SULF1: variants seen among roughly 807,000 people sequenced by gnomAD.
SULF1 encodes extracellular sulfatase Sulf-1.
A neutral mutation model predicts 110.5 loss-of-function variants in SULF1; 46 were observed. The ratio of observed to expected loss-of-function variants is 0.42; its 90% confidence interval spans 0.33 to 0.53. SULF1 has a LOEUF of 0.53. Among genes scored for constraint, SULF1 ranks in the 20% least tolerant of loss-of-function variants. SULF1 has a pLI of 0.12. For missense variants in SULF1, 941 were observed against 1,094.2 expected (o/e 0.86, Z 1.98); for synonymous variants, 371 against 387.1 (o/e 0.96, Z 0.49).
intron 3 of SULF1, among the ~76,000 whole-genome samples, chr8:69,510,109 T>G (rs550516151): frequency 1.3e-5 from 2 of 152,326 alleles, no homozygotes; most frequent in South Asian, 4.1e-4. Flanking sequence ...CTAGCTGAGC[T>G]ATTGGCTTTT....
intron 15 of SULF1, among the ~76,000 whole-genome samples, chr8:69,624,668 T>C (rs1292498046): frequency 6.6e-6 from 1 of 152,202 alleles, no homozygotes. Context: ...GGGAGGACAG[T>C]GAGTCCCAGA....
intron 15 of SULF1, among the ~76,000 whole-genome samples, chr8:69,625,165 T>G (rs373986922): frequency 6.6e-6 from 1 of 152,386 alleles, no homozygotes; most frequent in East Asian, 1.9e-4. Context: ...TGAATTCCCC[T>G]TCTGAATCTG....
chr8:69,575,532 A>T (rs936379114), intron 5 of SULF1, among the ~76,000 whole-genome samples: 1 of 152,082 alleles, frequency 6.6e-6, no homozygotes, highest in African/African-American at 2.4e-5. Flanking sequence ...CTTTCATACG[A>T]TTAAAATGCT....
rs1193488225 is a variant in SULF1 at position 69,530,277 on chromosome 8, A to T, written c.-134+28309A>T. 2.0e-5 allele frequency among the ~76,000 whole-genome samples: 3 copies of T among 152,066 alleles called. No homozygotes were observed. In the East Asian group the frequency reaches 5.8e-4, roughly 29 times the overall value. On this transcript the variant is annotated intron_variant, in intron 3 of 22. Transcript: ENST00000402687. ...ATCAGGCTCTTTGAGCAAAAAGAAA[A>T]AGTAATGTCTAGGGCTACCCTACAT...
chr8:69,475,981 C>A (rs965371131), intron 1 of SULF1, among the ~76,000 whole-genome samples: 1 of 152,114 alleles, frequency 6.6e-6, no homozygotes, highest in African/African-American at 2.4e-5. Context: ...TACGGATATT[C>A]GAGTCAAAAT....
intron 8 of SULF1, among the ~76,000 whole-genome samples, chr8:69,591,336 C>T (rs536588419): frequency 1.5e-4 from 23 of 151,832 alleles, no homozygotes; most frequent in Non-Finnish European, 2.9e-4. Flanking sequence ...GGGCGGATCA[C>T]GAGGTCAAGA....
intron 3 of SULF1, among the ~76,000 whole-genome samples, chr8:69,505,924 CA>C (rs1213819059): frequency 6.6e-6 from 1 of 151,694 alleles, no homozygotes; most frequent in Non-Finnish European, 1.5e-5. Context: ...ACACTTAACC[CA>C]AATCAGTTGG....
intron 1 of SULF1, among the ~76,000 whole-genome samples, chr8:69,478,894 T>G (rs755838625): frequency 1.3e-4 from 20 of 152,198 alleles, no homozygotes; most frequent in Non-Finnish European, 2.4e-4. Flanking sequence ...CATTCACAGT[T>G]AGAATGATCA....
intron 1 of SULF1, among the ~76,000 whole-genome samples, chr8:69,493,631 A>G (rs1001946763): frequency 5.9e-5 from 9 of 152,224 alleles, no homozygotes; most frequent in African/African-American, 2.2e-4. Flanking sequence ...TTTTCACACT[A>G]CGAAATAAAT....
chr8:69,617,945 G>A (rs1048727285), intron 13 of SULF1, among the ~76,000 whole-genome samples: 9 of 152,104 alleles, frequency 5.9e-5, no homozygotes, highest in Non-Finnish European at 2.9e-5. Context: ...CCCTCTCAAA[G>A]ACCCATGCAT....
chr8:69,565,749 C>T (rs1410101447), intron 5 of SULF1, among the ~76,000 whole-genome samples: 1 of 152,152 alleles, frequency 6.6e-6, no homozygotes, highest in African/African-American at 2.4e-5. Flanking sequence ...GAGATTATGC[C>T]CTTCTCCTCT....
At chr8:69,547,043 G>A (rs1814310101) in intron 3 of SULF1, among the ~76,000 whole-genome samples, 1 of 152,154 alleles carries the variant, frequency 6.6e-6, no homozygotes, top group Non-Finnish European at 1.5e-5. Context: ...ATCCATGAAT[G>A]ATCAAGTTGA....
At chr8:69,493,670 G>T (rs1810110398) in intron 1 of SULF1, among the ~76,000 whole-genome samples, 1 of 152,218 alleles carries the variant, frequency 6.6e-6, no homozygotes, top group African/African-American at 2.4e-5. Flanking sequence ...CTTGAAACTT[G>T]CACTGGCTTG....
chr8:69,567,771 T>C (rs1463354732), intron 5 of SULF1, among the ~76,000 whole-genome samples: 2 of 152,204 alleles, frequency 1.3e-5, no homozygotes, highest in Admixed American at 6.5e-5. Flanking sequence ...TCCTTTTCCC[T>C]ATTGTGGATA....
At chr8:69,499,290 A>T in intron 2 of SULF1, among the ~76,000 whole-genome samples, 1 of 152,244 alleles carries the variant, frequency 6.6e-6, no homozygotes, top group East Asian at 1.9e-4. Flanking sequence ...AAAATTTCAA[A>T]ATAAGTCTCT....
intron 6 of SULF1, 136 bp from the exon 7 acceptor site, chr8:69,586,221 G>A: frequency 1.3e-6 from 1 of 778,576 alleles, no homozygotes; most frequent in African/African-American, 1.8e-5. Flanking sequence ...TTACACTAAT[G>A]TCATTTTGGC....
intron 5 of SULF1, among the ~76,000 whole-genome samples, chr8:69,569,789 G>A (rs755835832): frequency 6.6e-6 from 1 of 151,948 alleles, no homozygotes; most frequent in Non-Finnish European, 1.5e-5. Context: ...TTAGTGATCT[G>A]GAAACATTCC....
intron 20 of SULF1, 31 bp downstream of exon 20, chr8:69,638,675 T>C: frequency 1.2e-6 from 2 of 1,612,130 alleles, no homozygotes; most frequent in Non-Finnish European, 1.7e-6. Flanking sequence ...TTTATGAAGG[T>C]TGTTGAAAAT....
chr8:69,492,290 C>T (rs1163140702), upstream of SULF1, among the ~76,000 whole-genome samples: 1 of 151,542 alleles, frequency 6.6e-6, no homozygotes, highest in Non-Finnish European at 1.5e-5. Flanking sequence ...GCTCTGGTTC[C>T]GTTTATTGCT....
Sources: allele counts gnomAD v4.1 joint callset (sites outside exome capture counted in the v4.1 genomes callset), GRCh38; gene constraint gnomAD v4.1.1; transcripts MANE v1.5; gene names NCBI Gene and HGNC (gene_info 2026-07-23, HGNC 2026-07-21).